GET1: variants seen among roughly 807,000 people sequenced by gnomAD.
The protein encoded by GET1 is congenital heart disease 5 protein.
A neutral mutation model predicts 22.6 loss-of-function variants in GET1; 20 were observed. The observed-to-expected ratio is 0.89, with a 90% CI of 0.62 to 1.29. The LOEUF (loss-of-function observed/expected upper bound fraction) is 1.29. Ranked by LOEUF, GET1 falls within the 50% of genes most tolerant of loss-of-function variation. The pLI is 0.00. For synonymous variants in GET1, 92 were observed against 83.8 expected, an observed-to-expected ratio of 1.10 and a Z score of -0.53; for missense variants, 209 against 219.9, an observed-to-expected ratio of 0.95 and a Z score of 0.31.
downstream of GET1, chr21:39,410,273 C>A: frequency 6.3e-7 from 1 of 1,599,806 alleles, no homozygotes; most frequent in Non-Finnish European, 8.5e-7. Context: ...CCTTAGTTGT[C>A]AAAGGTGGAA....
chr21:39,424,106 G>A (rs555110130), intron 1 of GET1, among the ~76,000 whole-genome samples: 7 of 152,064 alleles, frequency 4.6e-5, no homozygotes, highest in South Asian at 2.1e-4. Context: ...TCTGCATCCC[G>A]GGTTCAAGCG....
intron 1 of GET1, among the ~76,000 whole-genome samples, chr21:39,412,821 G>C (rs537088134): frequency 6.6e-6 from 1 of 152,324 alleles, no homozygotes; most frequent in South Asian, 2.1e-4. Context: ...TGGAGCTAAA[G>C]TAACATGGTA....
chr21:39,387,827 C>A (rs1010823367), intron 1 of GET1: 2 of 985,610 alleles, frequency 2.0e-6, no homozygotes, highest in Non-Finnish European at 2.4e-6. Context: ...GGAGAGTTGT[C>A]CCTACTGTGC....
chr21:39,411,730 C>T, intron 1 of GET1: 2 of 1,522,368 alleles, frequency 1.3e-6, no homozygotes, highest in South Asian at 2.4e-5. Flanking sequence ...TTTGGATAGT[C>T]CTCTGTGTCA....
At chr21:39,414,740 C>CTGTGTGTGTGTGTGTGTGTGTG (rs796818060) in intron 1 of GET1, among the ~76,000 whole-genome samples, 1 of 104,062 alleles carries the variant, frequency 9.6e-6, no homozygotes, top group African/African-American at 4.0e-5. Context: ...CTCTCTCTCT[C>CTGTGTGTGTGTGTGTGTGTGTG]TCTGTGTGTG....
intron 3 of GET1, 101 bp downstream of exon 3, chr21:39,391,937 T>A: frequency 1.7e-6 from 2 of 1,150,600 alleles, no homozygotes; most frequent in Non-Finnish European, 2.6e-6. Flanking sequence ...CTGTTCCACC[T>A]TCAGCTGTCG....
chr21:39,389,892 A>G (rs1345001984), intron 1 of GET1, among the ~76,000 whole-genome samples: 2 of 152,188 alleles, frequency 1.3e-5, no homozygotes, highest in African/African-American at 4.8e-5. Flanking sequence ...GTTCCCTGTC[A>G]CTGGAATAAC....
intron 4 of GET1, among the ~76,000 whole-genome samples, chr21:39,394,059 G>A (rs901021824): frequency 7.9e-5 from 12 of 152,188 alleles, no homozygotes; most frequent in African/African-American, 2.7e-4. Flanking sequence ...GCTGGGTGCA[G>A]TGGCTCACGC....
At chr21:39,388,324 A>G (rs1049111199) in intron 1 of GET1, among the ~76,000 whole-genome samples, 2 of 152,146 alleles carry the variant, frequency 1.3e-5, no homozygotes, top group African/African-American at 4.8e-5. Context: ...GCCGAGATCT[A>G]ATGCAGGCGT....
chr21:39,414,806 CTA>C (rs1420397370), intron 1 of GET1, among the ~76,000 whole-genome samples: 3 of 144,174 alleles, frequency 2.1e-5, no homozygotes, highest in African/African-American at 7.8e-5. Flanking sequence ...TTGTGATTGT[CTA>C]TGTTTGGTTT....
Position 39,428,347 on chromosome 21 carries a change from A to AACACTCTTATTGGAAGCATT in GET1, c.*142_*161dup, listed in dbSNP as rs772915681. The stretch of plus-strand genomic sequence containing the variant: ...AGGAGCACTGAGATCTGCTATAATC[A>AACACTCTTATTGGAAGCATT]ACACTCTTATTGGAAGCATTACTGT... On this transcript the variant is annotated 3_prime_UTR_variant, in exon 2 of 2. Coordinates refer to the GET1 transcript ENST00000478273. 1.4e-5 allele frequency: 23 copies of AACACTCTTATTGGAAGCATT among 1,613,506 alleles called. 1 individual carries two copies. The highest frequency in any genetic ancestry group is 1.4e-5 in the Non-Finnish European group (16 of 1,179,892).
chr21:39,401,306 C>T (rs1228297722), downstream of GET1, among the ~76,000 whole-genome samples: 1 of 152,092 alleles, frequency 6.6e-6, no homozygotes. Flanking sequence ...CCTCAGCTTC[C>T]CAGAGTGCTG....
rs371908619 is a variant in GET1 at position 39,380,396 on chromosome 21, C to A, written c.12C>A (p.Ala4=). 2 of 1,608,076 alleles carry A rather than the reference C, an allele frequency of 1.2e-6. No homozygotes were observed. Among genetic ancestry groups the A allele is most frequent in the African/African-American group, 2.7e-5 (2 of 74,816 alleles). MSS[A]AADHWAWLLV... ...CAGGAGCGTCCGGGATGAGCTCAGC[C>A]GCGGCCGACCACTGGGCGTGGTTGC... Residue 4 remains alanine, a synonymous_variant, in exon 1 of 5, where the codon GCC becomes GCA. Coordinates refer to ENST00000649170, the MANE Select transcript of GET1 (RefSeq NM_004627.6).
downstream of GET1, chr21:39,411,215 T>C (rs367791472): frequency 7.8e-6 from 2 of 256,434 alleles, no homozygotes; most frequent in Non-Finnish European, 1.5e-5. Context: ...TCGGGTGAGG[T>C]AGGGGACTAC....
In GET1 at chr21:39,380,359, A is replaced by G; in HGVS notation, c.-26A>G. The G allele has an allele frequency of 6.3e-7, 1 of 1,580,574 alleles. No individual in the cohort carries two copies. Among genetic ancestry groups the G allele is most frequent in the Non-Finnish European group, 8.6e-7 (1 of 1,161,612 alleles). ...GGTCCCCATGGAGCTGCCGTAGCGGACCCAGCACAGCCAGGAGCGTCCGGG... is the reference window on the plus strand; with the variant it reads ...GGTCCCCATGGAGCTGCCGTAGCGGGCCCAGCACAGCCAGGAGCGTCCGGG... On this transcript the variant is annotated 5_prime_UTR_variant, in exon 1 of 5. Coordinates refer to ENST00000649170, the MANE Select transcript of GET1 (RefSeq NM_004627.6).
At chr21:39,417,704 G>A (rs888988206) in intron 1 of GET1, among the ~76,000 whole-genome samples, 1 of 152,048 alleles carries the variant, frequency 6.6e-6, no homozygotes, top group Non-Finnish European at 1.5e-5. Flanking sequence ...CTTCTTACAT[G>A]GCAGTGGACA....
rs1355918165 is a variant in GET1, at chr21:39,397,453, C to T, written c.*514C>T. 1 of 153,628 alleles carries T rather than the reference C, an allele frequency of 6.5e-6. No individual in the cohort carries two copies. Among genetic ancestry groups the T allele is most frequent in the African/African-American group, 2.4e-5 (1 of 41,414 alleles). The allele number at this position is 153,628 out of a possible 1,614,324, so 9.5% of individuals were successfully genotyped here. On this transcript the variant is annotated 3_prime_UTR_variant, in exon 5 of 5. Coordinates refer to ENST00000649170, the MANE Select transcript of GET1 (RefSeq NM_004627.6). ...TTGACATTGCGTGGGCTTTTTCTCC[C>T]TTTGTTTAAAATGTCATTTGTTGAG...
intron 1 of GET1, chr21:39,422,865 G>C: frequency 1.0e-6 from 1 of 994,860 alleles, no homozygotes; most frequent in South Asian, 1.6e-5. Context: ...AGCACGCCAA[G>C]TGAAGCAGTT....
intron 2 of GET1, 98 bp from the exon 3 acceptor site, chr21:39,391,671 G>C: frequency 2.5e-6 from 3 of 1,177,522 alleles, no homozygotes; most frequent in Non-Finnish European, 3.7e-6. Context: ...TTTATAATCA[G>C]AAAGTGTATT....
Sources: allele counts gnomAD v4.1 joint callset (sites outside exome capture counted in the v4.1 genomes callset), GRCh38; gene constraint gnomAD v4.1.1; transcripts MANE v1.5; gene names NCBI Gene and HGNC (gene_info 2026-07-23, HGNC 2026-07-21).